Variants in ANAPC1 observed in about 807,000 individuals in gnomAD.
ANAPC1 encodes the protein anaphase-promoting complex subunit 1.
A neutral mutation model predicts 208.0 loss-of-function variants in ANAPC1; 36 were observed. The ratio of observed to expected loss-of-function variants is 0.17; its 90% confidence interval spans 0.13 to 0.23. The LOEUF is 0.23. Among genes scored for constraint, ANAPC1 ranks in the 10% least tolerant of loss-of-function variants. ANAPC1 has a pLI of 1.00. For missense variants in ANAPC1, 942 were observed against 2,011.6 expected (o/e 0.47, Z 10.17); for synonymous variants, 378 against 695.2 (o/e 0.54, Z 7.18).
chr2:111,861,706 C>T (rs906991704), intron 10 of ANAPC1, among the ~76,000 whole-genome samples: 1 of 115,924 alleles, frequency 8.6e-6, no homozygotes, highest in African/African-American at 3.1e-5. Context: ...AAAGGTCACC[C>T]AGAACAGAGA....
At chr2:111,792,861 A>G (rs1424320077) in intron 37 of ANAPC1, among the ~76,000 whole-genome samples, 15 of 152,020 alleles carry the variant, frequency 9.9e-5, no homozygotes, top group South Asian at 2.1e-4. Context: ...GCTGAGGCAG[A>G]AGAATGGCGT....
downstream of ANAPC1, chr2:111,766,869 A>G: frequency 2.4e-6 from 1 of 421,418 alleles, no homozygotes; most frequent in Non-Finnish European, 4.8e-6. Context: ...CCTTACCATG[A>G]GCTGTGGAGT....
intron 43 of ANAPC1, among the ~76,000 whole-genome samples, chr2:111,780,975 A>C (rs79301157): frequency 0.13 from 15,360 of 119,146 alleles, 221 homozygotes; most frequent in Middle Eastern, 0.18. Flanking sequence ...CTGCAAGATG[A>C]AACAGTTCTA....
Position 111,796,652 on chromosome 2 carries a change from A to G in ANAPC1, c.4297-1758T>C, listed in dbSNP as rs570597707. Among the ~76,000 whole-genome samples the G allele has an allele frequency of 3.4e-5, 5 of 147,736 alleles. No individual in the cohort carries two copies. In the South Asian group the frequency reaches 8.6e-4, roughly 25 times the overall value. On this transcript the variant is annotated intron_variant, in intron 34 of 47. Transcript: ENST00000341068. ...TGTATGTAAAGCTTTTTATGAAAGA[A>G]AAAGTGCTATGAAGATGCTAGTTGT...
Position 111,843,541 on chromosome 2 carries a change from C to A in ANAPC1, c.1911G>T (p.Met637Ile), listed in dbSNP as rs138079387. ...TGTGGACATTGTACCACTTGACAAG[C>A]ATCTGAACTGCTATTTCTTTTGGCA... ...FILPKEIAVQ[M>I]LVKWYNVHSA... Residue 637 changes from methionine (M) to isoleucine (I), a missense_variant, in exon 17 of 48, where the codon ATG becomes ATT. Met to Ile is a conservative substitution (Grantham distance 10). Transcript: ENST00000341068. 0.013 allele frequency: 20,180 copies of A among 1,611,896 alleles called. 233 individuals carry two copies. The highest frequency in any genetic ancestry group is 0.037 in the South Asian group (3,322 of 90,966).
At chr2:111,862,814 G>T (rs570305610) in intron 9 of ANAPC1, among the ~76,000 whole-genome samples, 2 of 152,082 alleles carry the variant, frequency 1.3e-5, no homozygotes, top group East Asian at 3.9e-4. Context: ...ATTATTAGAA[G>T]AACTCATCTT....
chr2:111,872,805 C>T, intron 5 of ANAPC1, 93 bp from the exon 6 acceptor site: 2 of 782,810 alleles, frequency 2.6e-6, no homozygotes, highest in Non-Finnish European at 4.2e-6. Context: ...TTTTATTTTC[C>T]AATTTAGTAA....
intron 7 of ANAPC1, chr2:111,866,026 A>G (rs1682387481): frequency 5.7e-6 from 1 of 174,546 alleles, no homozygotes. Flanking sequence ...TAACACAGTG[A>G]AACCCCGTCT....
intron 46 of ANAPC1, among the ~76,000 whole-genome samples, chr2:111,775,692 T>C (rs1044246685): frequency 6.6e-6 from 1 of 152,070 alleles, no homozygotes; most frequent in Non-Finnish European, 1.5e-5. Flanking sequence ...CTGCCAAAGT[T>C]CCATACATTA....
Position 111,854,337 on chromosome 2 carries a change from T to C in ANAPC1, c.1515+2277A>G, listed in dbSNP as rs550453210. Among the ~76,000 whole-genome samples the C allele has an allele frequency of 5.3e-5, 8 of 152,314 alleles. No homozygotes were observed. In the East Asian group the frequency reaches 1.5e-3, roughly 29 times the overall value. ...AGGTGTGCTGGCATCCAGTCTTTGT[T>C]ACTCCATTTATAGAGCCCAGGCAGA... is the stretch of plus-strand genomic sequence containing the variant. On this transcript the variant is annotated intron_variant, in intron 13 of 47. Coordinates refer to ENST00000341068, the MANE Select transcript of ANAPC1 (RefSeq NM_022662.4).
At chr2:111,785,836 T>C (rs1218253517) in intron 39 of ANAPC1, among the ~76,000 whole-genome samples, 1 of 145,446 alleles carries the variant, frequency 6.9e-6, no homozygotes, top group Non-Finnish European at 1.5e-5. Context: ...GTTTTTATCT[T>C]CTCAGATTTT....
intron 2 of ANAPC1, among the ~76,000 whole-genome samples, chr2:111,879,524 G>T (rs1683188381): frequency 2.0e-5 from 3 of 152,164 alleles, no homozygotes; most frequent in African/African-American, 7.2e-5. Context: ...AATGGAATAA[G>T]GCAGGAGGGA....
intron 3 of ANAPC1, among the ~76,000 whole-genome samples, chr2:111,875,143 T>C (rs1027924001): frequency 3.9e-5 from 6 of 152,236 alleles, no homozygotes; most frequent in African/African-American, 1.4e-4. Context: ...CTCATTGTGG[T>C]TGTAATCTGC....
chr2:111,777,747 G>T (rs1468951162), intron 45 of ANAPC1, among the ~76,000 whole-genome samples: 1 of 152,244 alleles, frequency 6.6e-6, no homozygotes, highest in East Asian at 1.9e-4. Context: ...GGTTTTTAAT[G>T]ATGTTACTTA....
Position 111,847,023 on chromosome 2 carries a change from A to G in ANAPC1, c.1852+115T>C, listed in dbSNP as rs1447148125. ...CCTAGCTCTTTAAAGCTCCTCTACAAAGCTAAGAACTTGATCCAGTGGCTT... is the reference window on the plus strand; with the variant it reads ...CCTAGCTCTTTAAAGCTCCTCTACAGAGCTAAGAACTTGATCCAGTGGCTT... On this transcript the variant is annotated intron_variant, in intron 16 of 47. Transcript: ENST00000341068. The G allele has an allele frequency of 3.7e-6, 3 of 812,468 alleles. No homozygotes were observed. The African/African-American group carries it at 5.1e-5, about 14-fold the overall frequency. The allele number at this position is 812,468 out of a possible 1,614,324, so 50.3% of individuals were successfully genotyped here. A position where few individuals can be genotyped will look rare whatever the true frequency, so the allele number is the denominator to read the frequency against.
chr2:111,881,030 T>A lies in ANAPC1; in HGVS notation c.-24-181A>T, dbSNP rs536653196. 4.4e-3 allele frequency among the ~76,000 whole-genome samples: 665 copies of A among 151,000 alleles called. 2 individuals carry two copies. The highest frequency in any genetic ancestry group is 0.017 in the Middle Eastern group (5 of 294). ...GATCTGATTCAGACAGTTGCAATTA[T>A]CACATTTTAGTCACAGACTGACAGT... On this transcript the variant is annotated intron_variant, in intron 1 of 47. Transcript: ENST00000341068.
intron 17 of ANAPC1, among the ~76,000 whole-genome samples, chr2:111,839,943 T>C (rs1439519766): frequency 2.0e-5 from 3 of 152,116 alleles, no homozygotes; most frequent in Admixed American, 2.0e-4. Flanking sequence ...ACCCTTACCC[T>C]TCATCTATCA....
intron 14 of ANAPC1, among the ~76,000 whole-genome samples, chr2:111,848,409 A>T (rs1681208402): frequency 6.6e-6 from 1 of 150,804 alleles, no homozygotes; most frequent in Non-Finnish European, 1.5e-5. Context: ...AAAGGCTGAC[A>T]ATATGCAAGG....
intron 3 of ANAPC1, among the ~76,000 whole-genome samples, chr2:111,876,133 T>C (rs180848046): frequency 1.3e-5 from 2 of 152,156 alleles, no homozygotes; most frequent in African/African-American, 4.8e-5. Flanking sequence ...CTCACGCCTG[T>C]AATCTCAACA....
Sources: gnomAD v4.1 joint callset for allele counts (sites outside exome capture counted in the v4.1 genomes callset) on GRCh38, gnomAD v4.1.1 for gene constraint, MANE v1.5 for transcripts, NCBI Gene and HGNC (gene_info 2026-07-23, HGNC 2026-07-21) for gene names.